The following RFX3 variants were observed in gnomAD, a reference collection of about 807,000 sequenced individuals.
RFX3 encodes transcription factor RFX3.
In RFX3, 14 loss-of-function variants were observed where a neutral mutation model predicts 98.6. That is an observed-to-expected ratio of 0.14 (90% CI 0.09 to 0.22). The LOEUF is 0.22. Ranked by LOEUF, RFX3 falls within the 10% of genes least tolerant of loss-of-function variation. RFX3 has a pLI of 1.00. For synonymous variants in RFX3, 383 were observed against 328.4 expected, an observed-to-expected ratio of 1.17 and a Z score of -1.80; for missense variants, 639 against 926.9, an observed-to-expected ratio of 0.69 and a Z score of 4.03.
At chr9:3,324,055 G>C (rs1831612041) in intron 4 of RFX3, 1 of 452,452 alleles carries the variant, frequency 2.2e-6, no homozygotes, top group Non-Finnish European at 4.7e-6. Context: ...ACGGTTCATG[G>C]TAATCTGTCT....
intron 1 of RFX3, among the ~76,000 whole-genome samples, chr9:3,494,013 A>G (rs1237237077): frequency 6.6e-6 from 1 of 151,736 alleles, no homozygotes; most frequent in Non-Finnish European, 1.5e-5. Flanking sequence ...ATTTTTCTAT[A>G]CCCCCATAAT....
intron 15 of RFX3, chr9:3,247,135 T>A: frequency 1.0e-6 from 1 of 985,424 alleles, no homozygotes; most frequent in Non-Finnish European, 1.2e-6. Flanking sequence ...CATTTAATAA[T>A]CTGGTATGAT....
intron 15 of RFX3, among the ~76,000 whole-genome samples, chr9:3,236,649 G>A (rs1819191813): frequency 1.3e-5 from 2 of 152,186 alleles, no homozygotes; most frequent in East Asian, 3.8e-4. Context: ...GATGGCGGAA[G>A]TGACCACAGG....
intron 13 of RFX3, among the ~76,000 whole-genome samples, chr9:3,262,327 T>A (rs1823018109): frequency 6.6e-6 from 1 of 152,136 alleles, no homozygotes; most frequent in Non-Finnish European, 1.5e-5. Context: ...AAAGTACAAG[T>A]GGGTAATGTG....
At chr9:3,323,994 A>G (rs1198526776) in intron 4 of RFX3, 2 of 430,940 alleles carry the variant, frequency 4.6e-6, no homozygotes, top group Non-Finnish European at 1.0e-5. Context: ...AAATGCTTTG[A>G]AAATGAGGCC....
chr9:3,368,693 A>G (rs1438095718), intron 2 of RFX3, among the ~76,000 whole-genome samples: 2 of 152,214 alleles, frequency 1.3e-5, no homozygotes, highest in African/African-American at 4.8e-5. Flanking sequence ...GTTTCAGTCA[A>G]CTGACAGTCA....
chr9:3,430,982 G>A (rs542179929), intron 1 of RFX3, among the ~76,000 whole-genome samples: 1 of 152,132 alleles, frequency 6.6e-6, no homozygotes, highest in African/African-American at 2.4e-5. Flanking sequence ...GAATGCACAC[G>A]GTACCATTTG....
chr9:3,265,446 G>GC (rs956570048), intron 12 of RFX3, among the ~76,000 whole-genome samples: 8 of 152,100 alleles, frequency 5.3e-5, no homozygotes, highest in Admixed American at 2.0e-4. Flanking sequence ...GCTCAACTCT[G>GC]CCCCCCGATT....
At chr9:3,247,079 G>C (rs1820775675) in intron 15 of RFX3, 1 of 984,084 alleles carries the variant, frequency 1.0e-6, no homozygotes, top group South Asian at 4.7e-5. Context: ...CATACACATA[G>C]CTTAAAAGTG....
At chr9:3,368,431 A>T (rs939664199) in intron 2 of RFX3, among the ~76,000 whole-genome samples, 1 of 152,222 alleles carries the variant, frequency 6.6e-6, no homozygotes, top group Non-Finnish European at 1.5e-5. Context: ...ATTAGTGAAT[A>T]TTAAAGATAA....
chr9:3,270,943 T>G (rs753685180), intron 10 of RFX3, 60 bp downstream of exon 10: 2 of 1,610,584 alleles, frequency 1.2e-6, no homozygotes, highest in African/African-American at 1.3e-5. Flanking sequence ...TATCTCTAAT[T>G]TATTAGTTGT....
At chr9:3,271,292 A>C (rs1824398303) in intron 9 of RFX3, among the ~76,000 whole-genome samples, 174 bp from the exon 10 acceptor site, 1 of 151,994 alleles carries the variant, frequency 6.6e-6, no homozygotes, top group Admixed American at 6.6e-5. Context: ...AAAAAAAGAA[A>C]CTAGCTAGGA....
intron 3 of RFX3, among the ~76,000 whole-genome samples, chr9:3,331,319 T>C (rs7022295): frequency 0.06 from 9,185 of 152,258 alleles, 922 homozygotes; most frequent in African/African-American, 0.21. Flanking sequence ...CCCTCCCTTT[T>C]CTGTTCTGAT....
chr9:3,312,483 A>C (rs1461728874), intron 4 of RFX3, among the ~76,000 whole-genome samples: 1 of 152,158 alleles, frequency 6.6e-6, no homozygotes, highest in Non-Finnish European at 1.5e-5. Flanking sequence ...CTGTATATTC[A>C]AACAATATGC....
chr9:3,315,605 C>A (rs1326506092), intron 4 of RFX3, among the ~76,000 whole-genome samples: 1 of 151,736 alleles, frequency 6.6e-6, no homozygotes, highest in Non-Finnish European at 1.5e-5. Flanking sequence ...TTGAAAAGAT[C>A]AACAAAATTG....
At chr9:3,259,059 T>C (rs1285738564) in intron 13 of RFX3, among the ~76,000 whole-genome samples, 1 of 152,030 alleles carries the variant, frequency 6.6e-6, no homozygotes, top group Admixed American at 6.6e-5. Context: ...ATTTGTTTTA[T>C]TGCATCATAT....
intron 1 of RFX3, among the ~76,000 whole-genome samples, chr9:3,478,178 CTG>C (rs1167698497): frequency 2.0e-4 from 31 of 151,988 alleles, no homozygotes; most frequent in Non-Finnish European, 4.3e-4. Flanking sequence ...TTATTTGTCT[CTG>C]TGTGTTTTAT....
chr9:3,351,994 TAAGAA>T (rs1835195010), intron 2 of RFX3, among the ~76,000 whole-genome samples: 1 of 151,894 alleles, frequency 6.6e-6, no homozygotes, highest in African/African-American at 2.4e-5. Context: ...ACGTAATTTA[TAAGAA>T]AAAGGAAAAC....
intron 1 of RFX3, among the ~76,000 whole-genome samples, chr9:3,396,866 T>A (rs1840944949): frequency 1.3e-5 from 2 of 152,200 alleles, no homozygotes; most frequent in Admixed American, 1.3e-4. Context: ...CTTTCCAACT[T>A]TAAAACTTAC....
Sources: allele counts gnomAD v4.1 joint callset (sites outside exome capture counted in the v4.1 genomes callset), GRCh38; gene constraint gnomAD v4.1.1; transcripts MANE v1.5; gene names NCBI Gene and HGNC (gene_info 2026-07-23, HGNC 2026-07-21).